Variants in CHML observed in about 807,000 individuals in gnomAD.
The protein encoded by CHML is rab proteins geranylgeranyltransferase component A 2.
In CHML, 20 loss-of-function variants were observed where a neutral mutation model predicts 30.4. That is an observed-to-expected ratio of 0.66 (90% CI 0.46 to 0.95). CHML has a LOEUF of 0.95. Among genes scored for constraint, CHML ranks in the 40% least tolerant of loss-of-function variants. CHML has a pLI of 0.00. For missense variants in CHML, 795 were observed against 768.5 expected (o/e 1.03, Z -0.41); for synonymous variants, 281 against 275.0 (o/e 1.02, Z -0.22).
In CHML at chr1:241,629,536, T is replaced by C. The variant is rs541041563; in HGVS notation, c.*4260A>G. On this transcript the variant is annotated 3_prime_UTR_variant, in exon 2 of 2. Coordinates refer to ENST00000366553, the MANE Select transcript of CHML (RefSeq NM_001381853.1). The stretch of plus-strand genomic sequence containing the variant: ...TGCATATAGTTTTACAAAAACTGAG[T>C]GCATCCATGTGTAATGCAAATAGCT... 3 of 152,240 alleles carry C rather than the reference T, an allele frequency of 2.0e-5. No homozygotes were observed. The highest frequency in any genetic ancestry group is 2.9e-5 in the Non-Finnish European group (2 of 67,954). The allele number at this position is 152,240 out of a possible 1,614,324, so 9.4% of individuals were successfully genotyped here.
intron 1 of CHML, among the ~76,000 whole-genome samples, chr1:241,638,548 G>T (rs1442505345): frequency 6.6e-6 from 1 of 152,166 alleles, no homozygotes; most frequent in East Asian, 1.9e-4. Flanking sequence ...TAGCATTGCC[G>T]AAGAAACTGC....
rs1665054125 is a variant in CHML, at chr1:241,639,973, C to G, written c.-399G>C. ...GGCAGGACACGAAGGTAAAGGTGAC[C>G]CCGAAGAGGGACACCAGCAGGTCGC... On this transcript the variant is annotated 5_prime_UTR_variant, in exon 1 of 2. Coordinates refer to ENST00000366553, the MANE Select transcript of CHML (RefSeq NM_001381853.1). The G allele has an allele frequency of 1.9e-6, 3 of 1,612,376 alleles. No homozygotes were observed.
In CHML at chr1:241,640,119, G is replaced by A. The variant is rs1390831977; in HGVS notation, c.-545C>T. 1 of 1,600,924 alleles carries A rather than the reference G, an allele frequency of 6.2e-7. No individual in the cohort carries two copies. The highest frequency in any genetic ancestry group is 1.7e-5 in the Admixed American group (1 of 58,516). ...AGCAGCCCAATGGAGCCCAGCAGCA[G>A]CGCCAGGCGCTCGTAGGTGCCGGGG... On this transcript the variant is annotated 5_prime_UTR_variant, in exon 1 of 2. Coordinates refer to ENST00000366553, the MANE Select transcript of CHML (RefSeq NM_001381853.1).
In CHML at chr1:241,630,487, C is replaced by T. The variant is rs1157297782; in HGVS notation, c.*3309G>A. On this transcript the variant is annotated 3_prime_UTR_variant, in exon 2 of 2. Coordinates refer to ENST00000366553, the MANE Select transcript of CHML (RefSeq NM_001381853.1). ...TTAAAAATTGTGTATCCTGCAACTT[C>T]TTGAATTAGTCTTTGTTAGTACATT... 2 of 152,100 alleles carry T rather than the reference C, an allele frequency of 1.3e-5. No homozygotes were observed. Among genetic ancestry groups the T allele is most frequent in the East Asian group, 3.9e-4 (2 of 5,186 alleles). 9.4% of individuals were successfully genotyped at this position (152,100 alleles called of 1,614,324 possible).
In CHML at chr1:241,639,872, T is replaced by C. The variant is rs1176302901; in HGVS notation, c.-308+10A>G. ...CAGAGGGGAGGCTGCCTTCTCCCAG[T>C]CCAACTCACCGAAGAGGCTGCCGCT... On this transcript the variant is annotated intron_variant, in intron 1 of 1. Transcript: ENST00000366553. 2 of 1,547,540 alleles carry C rather than the reference T, an allele frequency of 1.3e-6. No individual in the cohort carries two copies. Among genetic ancestry groups the C allele is most frequent in the Non-Finnish European group, 1.7e-6 (2 of 1,145,904 alleles).
At chr1:241,639,800 G>C in intron 1 of CHML, 82 bp downstream of exon 1, 2 of 1,305,848 alleles carry the variant, frequency 1.5e-6, no homozygotes, top group South Asian at 1.6e-5. Flanking sequence ...GGGCGGGCTG[G>C]GGGGCGGACG....
chr1:241,637,661 G>C (rs1358445483), intron 1 of CHML, among the ~76,000 whole-genome samples: 2 of 152,136 alleles, frequency 1.3e-5, no homozygotes, highest in African/African-American at 4.8e-5. Flanking sequence ...AGATATCAAA[G>C]GGGTCATCAA....
intron 1 of CHML, among the ~76,000 whole-genome samples, chr1:241,638,893 A>T (rs1448050532): frequency 6.6e-6 from 1 of 152,232 alleles, no homozygotes; most frequent in East Asian, 1.9e-4. Context: ...TTAAAGCAAT[A>T]AAGTATCAAT....
At chr1:241,638,823 G>A (rs1209041003) in intron 1 of CHML, among the ~76,000 whole-genome samples, 2 of 152,080 alleles carry the variant, frequency 1.3e-5, no homozygotes, top group Non-Finnish European at 2.9e-5. Flanking sequence ...AGAGGTTACT[G>A]AATAAGAAAA....
In CHML at chr1:241,634,073, C is replaced by A; in HGVS notation, c.1694G>T (p.Ser565Ile). The A allele has an allele frequency of 6.2e-7, 1 of 1,612,074 alleles. No homozygotes were observed. Among genetic ancestry groups the A allele is most frequent in the Non-Finnish European group, 8.5e-7 (1 of 1,179,256 alleles). ...ATTGGAAGGCAAGCCATTATACGAG[C>A]TTCTGCTGATTCCCGAGGAATCTCT... ...NMRDSSGISR[S>I]SYNGLPSNVY... The change falls in exon 2 of 2, where the codon AGC becomes ATC. Residue 565 changes from serine to isoleucine, a missense_variant. Coordinates refer to ENST00000366553, the MANE Select transcript of CHML (RefSeq NM_001381853.1).
rs1664849895 is a variant in CHML, at chr1:241,635,377, G to A, written c.390C>T (p.Thr130=). ...ATGCAGAATCCAGAACTTCAGTGAAGGTATTAGACACCCCCAAAGAAGGAT... is the reference window on the plus strand; with the variant it reads ...ATGCAGAATCCAGAACTTCAGTGAAAGTATTAGACACCCCCAAAGAAGGAT... ...QKNPSLGVSN[T]FTEVLDSALP... The change falls in exon 2 of 2, where the codon ACC becomes ACT. Residue 130 remains threonine (T), a synonymous_variant. Coordinates refer to ENST00000366553, the MANE Select transcript of CHML (RefSeq NM_001381853.1). The A allele has an allele frequency of 2.5e-6, 4 of 1,614,018 alleles. 1 individual carries two copies. Among genetic ancestry groups the A allele is most frequent in the African/African-American group, 2.7e-5 (2 of 75,040 alleles).
Position 241,635,389 on chromosome 1 carries a change from C to A in CHML, c.378G>T (p.Gly126=). 6.2e-7 allele frequency: 1 copy of A among 1,613,962 alleles called. No individual in the cohort carries two copies. Among genetic ancestry groups the A allele is most frequent in the South Asian group, 1.1e-5 (1 of 91,086 alleles). The stretch of plus-strand genomic sequence containing the variant: ...GAACTTCAGTGAAGGTATTAGACAC[C>A]CCCAAAGAAGGATTTTTCTGCAGAG... ...IGALQKNPSL[G]VSNTFTEVLD... is the part of the protein sequence containing the mutation. The change falls in exon 2 of 2, where the codon GGG becomes GGT. Residue 126 remains glycine (G), a synonymous_variant. Coordinates refer to ENST00000366553, the MANE Select transcript of CHML (RefSeq NM_001381853.1).
chr1:241,636,135 T>C (rs925838003), intron 1 of CHML, 62 bp from the exon 2 acceptor site: 2 of 414,426 alleles, frequency 4.8e-6, no homozygotes, highest in Non-Finnish European at 8.5e-6. Context: ...AATAATTTCA[T>C]GCAACAATGA....
chr1:241,639,558 G>A (rs904604081), intron 1 of CHML, among the ~76,000 whole-genome samples: 1 of 151,866 alleles, frequency 6.6e-6, no homozygotes, highest in Non-Finnish European at 1.5e-5. Context: ...GCCTTGTTGA[G>A]TGATCTTAGG....
chr1:241,635,907 CT>C lies in CHML; in HGVS notation c.-142del. ...AGGTCCTAGCTGTTTAACGGTTACC[CT>C]TTTAAAATATTTTTTTTCTTATAAG... On this transcript the variant is annotated 5_prime_UTR_variant, in exon 2 of 2. The change abolishes the stop of an existing upstream ORF in the 5' untranslated region. Transcript: ENST00000366553. 1 of 759,596 alleles carries C rather than the reference CT, an allele frequency of 1.3e-6. No homozygotes were observed. The highest frequency in any genetic ancestry group is 2.1e-6 in the Non-Finnish European group (1 of 478,258). 47.1% of individuals were successfully genotyped at this position (759,596 alleles called of 1,614,324 possible). A position where few individuals can be genotyped will look rare whatever the true frequency, so the allele number is the denominator to read the frequency against.
intron 1 of CHML, among the ~76,000 whole-genome samples, chr1:241,639,608 G>C (rs997991793): frequency 6.6e-6 from 1 of 151,824 alleles, no homozygotes; most frequent in African/African-American, 2.4e-5. Flanking sequence ...CCGGGGTTTG[G>C]GGTCAACGTG....
In CHML at chr1:241,633,789, CTCTTT is replaced by C. The variant is rs1558447122; in HGVS notation, c.*2_*6del. ...GGTCCAAAACAGCATTTCGAGATTGCTCTTTTCTAATTTTGAAGGTGCTTCTCTGG... is the reference window on the plus strand; with the variant it reads ...GGTCCAAAACAGCATTTCGAGATTGCTCTAATTTTGAAGGTGCTTCTCTGG... On this transcript the variant is annotated 3_prime_UTR_variant, in exon 2 of 2. Coordinates refer to ENST00000366553, the MANE Select transcript of CHML (RefSeq NM_001381853.1). 6.2e-7 allele frequency: 1 copy of C among 1,612,738 alleles called. No individual in the cohort carries two copies.
chr1:241,634,721 G>A lies in CHML; in HGVS notation c.1046C>T (p.Ser349Leu). The A allele has an allele frequency of 6.2e-7, 1 of 1,613,976 alleles. No homozygotes were observed. The highest frequency in any genetic ancestry group is 1.3e-5 in the African/African-American group (1 of 75,044). The change falls in exon 2 of 2, where the codon TCA becomes TTA. Residue 349 changes from serine (S) to leucine (L), a missense_variant. Transcript: ENST00000366553. ...VLHSIAMTSE[S>L]SCTTIDGLNA... ...AAGACCATCTATTGTAGTGCAAGATGATTCTGATGTCATTGCAATTGAGTG... is the reference window on the plus strand; with the variant it reads ...AAGACCATCTATTGTAGTGCAAGATAATTCTGATGTCATTGCAATTGAGTG...
rs1664627319 is a variant in CHML, at chr1:241,631,391, T to C, written c.*2405A>G. Reference sequence around the variant, plus strand: ...ATCTGGAATACCTTCACCTTCATTTTATTTATCATCTTATGTATTTCTCAT... The same window carrying C: ...ATCTGGAATACCTTCACCTTCATTTCATTTATCATCTTATGTATTTCTCAT... On this transcript the variant is annotated 3_prime_UTR_variant, in exon 2 of 2. Transcript: ENST00000366553. The C allele has an allele frequency of 6.6e-6, 1 of 152,132 alleles. No homozygotes were observed. The highest frequency in any genetic ancestry group is 2.4e-5 in the African/African-American group (1 of 41,448). The allele number at this position is 152,132 out of a possible 1,614,324, so 9.4% of individuals were successfully genotyped here. A position where few individuals can be genotyped will look rare whatever the true frequency, so the allele number is the denominator to read the frequency against.
Sources: allele counts gnomAD v4.1 joint callset (sites outside exome capture counted in the v4.1 genomes callset), GRCh38; gene constraint gnomAD v4.1.1; transcripts MANE v1.5; gene names NCBI Gene and HGNC (gene_info 2026-07-23, HGNC 2026-07-21).